Variants in RBFOX1 observed in about 807,000 individuals in gnomAD.
RBFOX1 encodes RNA binding protein fox-1 homolog 1.
A neutral mutation model predicts 57.7 loss-of-function variants in RBFOX1; 8 were observed. The ratio of observed to expected loss-of-function variants is 0.14; its 90% CI spans 0.08 to 0.25. The LOEUF (loss-of-function observed/expected upper bound fraction) is 0.25, where lower values mean the gene tolerates loss of function less well. Among genes scored for constraint, RBFOX1 ranks in the 10% least tolerant of loss-of-function variants. The pLI is 1.00. For synonymous variants in RBFOX1, 326 were observed against 222.4 expected, an observed-to-expected ratio of 1.47 and a Z score of -4.15; for missense variants, 611 against 548.5, an observed-to-expected ratio of 1.11 and a Z score of -1.14.
At chr16:6,750,205 T>C (rs1234413608) in intron 3 of RBFOX1, among the ~76,000 whole-genome samples, 1 of 152,198 alleles carries the variant, frequency 6.6e-6, no homozygotes, top group Admixed American at 6.5e-5. Context: ...GCAAAACCTA[T>C]TGAATTGTGG....
chr16:7,215,346 C>T (rs982933839), intron 4 of RBFOX1, among the ~76,000 whole-genome samples: 1 of 152,192 alleles, frequency 6.6e-6, no homozygotes, highest in Admixed American at 6.5e-5. Context: ...ATAAATCATT[C>T]TTCTATAAAG....
intron 5 of RBFOX1, among the ~76,000 whole-genome samples, chr16:7,569,650 G>A (rs768336502): frequency 2.0e-5 from 3 of 152,164 alleles, no homozygotes; most frequent in Admixed American, 6.5e-5. Context: ...TCTTTAAGGG[G>A]TCATTATGTT....
chr16:6,689,920 G>A (rs2059968497), intron 3 of RBFOX1, among the ~76,000 whole-genome samples: 1 of 152,186 alleles, frequency 6.6e-6, no homozygotes, highest in South Asian at 2.1e-4. Context: ...TTTGTCAATT[G>A]AGAATCAGCA....
chr16:5,820,149 C>T (rs572505350), intron 3 of RBFOX1, among the ~76,000 whole-genome samples: 1 of 152,294 alleles, frequency 6.6e-6, no homozygotes, highest in South Asian at 2.1e-4. Flanking sequence ...TGCTGTCATT[C>T]CCATTTTATA....
chr16:7,609,474 G>A (rs867279758), intron 10 of RBFOX1, among the ~76,000 whole-genome samples: 10 of 152,282 alleles, frequency 6.6e-5, no homozygotes, highest in Middle Eastern at 3.4e-3. Context: ...AAATTCATCT[G>A]CATGACTTCT....
intron 4 of RBFOX1, among the ~76,000 whole-genome samples, chr16:7,455,594 C>G (rs1207348040): frequency 6.6e-6 from 1 of 151,694 alleles, no homozygotes; most frequent in Non-Finnish European, 1.5e-5. Context: ...GAGTTCGAGA[C>G]CAGCCTAGGC....
chr16:5,863,627 A>G (rs962425842), intron 3 of RBFOX1, among the ~76,000 whole-genome samples: 2 of 152,078 alleles, frequency 1.3e-5, no homozygotes, highest in African/African-American at 4.8e-5. Context: ...TATGAAATCC[A>G]CTCTGAATGC....
chr16:7,508,902 T>A (rs976298351), intron 4 of RBFOX1, among the ~76,000 whole-genome samples: 9 of 152,320 alleles, frequency 5.9e-5, no homozygotes, highest in African/African-American at 2.2e-4. Flanking sequence ...TAAGCAGCTA[T>A]CTGTAGGAAC....
At chr16:6,803,768 A>G (rs2086051947) in intron 3 of RBFOX1, among the ~76,000 whole-genome samples, 1 of 152,062 alleles carries the variant, frequency 6.6e-6, no homozygotes, top group Non-Finnish European at 1.5e-5. Context: ...TTGTGAGAGA[A>G]TAAGATTCAT....
intron 1 of RBFOX1, among the ~76,000 whole-genome samples, chr16:6,022,526 C>G (rs1052921834): frequency 6.6e-6 from 1 of 151,998 alleles, no homozygotes; most frequent in African/African-American, 2.4e-5. Flanking sequence ...ACTAAAAATA[C>G]AAACAATTAG....
chr16:6,906,432 C>T (rs139410013), intron 3 of RBFOX1, among the ~76,000 whole-genome samples: 25 of 152,082 alleles, frequency 1.6e-4, no homozygotes, highest in African/African-American at 4.6e-4. Context: ...GGAAAATAGC[C>T]TCTGGCCTGT....
chr16:7,629,881 G>A (rs2060657707), intron 10 of RBFOX1, among the ~76,000 whole-genome samples: 1 of 152,216 alleles, frequency 6.6e-6, no homozygotes, highest in Non-Finnish European at 1.5e-5. Context: ...GAGCTTTAGG[G>A]AAGAAAGCGG....
At chr16:7,657,826 C>G (rs1350008911) in intron 12 of RBFOX1, among the ~76,000 whole-genome samples, 3 of 151,980 alleles carry the variant, frequency 2.0e-5, no homozygotes, top group African/African-American at 7.3e-5. Flanking sequence ...AAACCCTGTA[C>G]CAAACCAACC....
intron 3 of RBFOX1, among the ~76,000 whole-genome samples, chr16:6,960,244 A>G (rs1040993280): frequency 6.6e-6 from 1 of 152,154 alleles, no homozygotes; most frequent in African/African-American, 2.4e-5. Flanking sequence ...GATTAAGTAA[A>G]TTTACTGAGG....
chr16:6,014,807 A>G (rs745412438), upstream of RBFOX1, among the ~76,000 whole-genome samples: 5 of 151,700 alleles, frequency 3.3e-5, no homozygotes, highest in East Asian at 1.9e-4. Context: ...TGTGACTGCT[A>G]TTGAAAGGTA....
chr16:7,125,889 C>T (rs1030959197), intron 4 of RBFOX1, among the ~76,000 whole-genome samples: 1 of 152,134 alleles, frequency 6.6e-6, no homozygotes, highest in Non-Finnish European at 1.5e-5. Flanking sequence ...TCAAGACCAT[C>T]CTGGCCAACA....
intron 4 of RBFOX1, among the ~76,000 whole-genome samples, chr16:5,909,131 C>T (rs1388315446): frequency 8.4e-6 from 1 of 119,120 alleles, no homozygotes; most frequent in Admixed American, 1.1e-4. Context: ...CTTGCTGTGT[C>T]ACCTAGGCTG....
chr16:7,060,304 G>A (rs1368075049), intron 4 of RBFOX1, among the ~76,000 whole-genome samples: 3 of 152,140 alleles, frequency 2.0e-5, no homozygotes, highest in African/African-American at 4.8e-5. Context: ...GCCAACCCCT[G>A]CTGGTGACTG....
intron 3 of RBFOX1, among the ~76,000 whole-genome samples, chr16:6,853,493 C>T (rs749645560): frequency 2.6e-5 from 4 of 151,944 alleles, no homozygotes; most frequent in Admixed American, 6.6e-5. Context: ...GTGTGGTGCT[C>T]GAGGACAATC....
Sources: gnomAD v4.1 joint callset for allele counts (sites outside exome capture counted in the v4.1 genomes callset) on GRCh38, gnomAD v4.1.1 for gene constraint, MANE v1.5 for transcripts, NCBI Gene and HGNC (gene_info 2026-07-23, HGNC 2026-07-21) for gene names.